ARID4A: variants seen among roughly 807,000 people sequenced by gnomAD.
ARID4A encodes the protein AT-rich interactive domain-containing protein 4A.
In ARID4A, 39 loss-of-function variants were observed where a neutral mutation model predicts 148.6. That is an observed-to-expected ratio of 0.26 (90% CI 0.20 to 0.34). The LOEUF (loss-of-function observed/expected upper bound fraction) is 0.34. Among genes scored for constraint, ARID4A ranks in the 10% least tolerant of loss-of-function variants. ARID4A has a pLI of 1.00. For synonymous variants in ARID4A, 475 were observed against 481.2 expected (o/e 0.99, Z 0.17); for missense variants, 1,265 against 1,449.1 (o/e 0.87, Z 2.06).
At chr14:58,332,980 T>C (rs908851602) in intron 11 of ARID4A, among the ~76,000 whole-genome samples, 11 of 152,168 alleles carry the variant, frequency 7.2e-5, no homozygotes, top group African/African-American at 2.4e-4. Flanking sequence ...TTTGATGCTT[T>C]GGGTATCTTA....
chr14:58,308,042 A>G (rs2031746680), intron 5 of ARID4A, among the ~76,000 whole-genome samples: 1 of 152,120 alleles, frequency 6.6e-6, no homozygotes, highest in South Asian at 2.1e-4. Context: ...GCTCTATAGA[A>G]GGATTACTTT....
intron 8 of ARID4A, 118 bp downstream of exon 8, chr14:58,323,735 A>AT (rs2033047353): frequency 1.2e-6 from 1 of 835,986 alleles, no homozygotes. Context: ...TTTATTGGAG[A>AT]TTTTTTAATT....
chr14:58,338,964 CTTT>C (rs35408179), intron 11 of ARID4A, among the ~76,000 whole-genome samples: 2 of 83,850 alleles, frequency 2.4e-5, no homozygotes, highest in Non-Finnish European at 4.4e-5. Flanking sequence ...ATTATTAAAA[CTTT>C]TTTTTTTTTT....
chr14:58,332,868 T>C (rs901871799), intron 11 of ARID4A, among the ~76,000 whole-genome samples: 6 of 152,172 alleles, frequency 3.9e-5, no homozygotes, highest in African/African-American at 1.4e-4. Flanking sequence ...CTCTAGTCTG[T>C]TATTTGTTGT....
At chr14:58,341,039 C>T (rs1465598394) in intron 11 of ARID4A, among the ~76,000 whole-genome samples, 1 of 152,098 alleles carries the variant, frequency 6.6e-6, no homozygotes, top group Admixed American at 6.5e-5. Context: ...TTCTCTCTCC[C>T]TCTCCCCATC....
rs537588989 is a variant in ARID4A, at chr14:58,353,382, G to T, written c.1656-276G>T. 1.1e-5 allele frequency: 3 copies of T among 271,692 alleles called. No homozygotes were observed. The South Asian group carries it at 4.4e-4, about 40-fold the overall frequency. The allele number at this position is 271,692 out of a possible 1,614,324, so 16.8% of individuals were successfully genotyped here. A position where few individuals can be genotyped will look rare whatever the true frequency, so the allele number is the denominator to read the frequency against. On this transcript the variant is annotated intron_variant, in intron 16 of 23. Transcript: ENST00000355431. ...ATATTTTTCTTATTTTGTTTTGTCAGAAGTGACTTATTTTATTACAGATCA... is the reference window on the plus strand; with the variant it reads ...ATATTTTTCTTATTTTGTTTTGTCATAAGTGACTTATTTTATTACAGATCA...
intron 17 of ARID4A, 28 bp downstream of exon 17, chr14:58,353,883 T>C (rs1203004009): frequency 6.3e-7 from 1 of 1,582,864 alleles, no homozygotes; most frequent in Middle Eastern, 1.7e-4. Flanking sequence ...TTCTTACTAT[T>C]GAAATTTTTT....
At chr14:58,353,365 CTTATT>C (rs1458792072) in intron 16 of ARID4A, 3 of 230,294 alleles carry the variant, frequency 1.3e-5, no homozygotes, top group Non-Finnish European at 2.5e-5. Context: ...GCATATTTTT[CTTATT>C]TTGTTTTGTC....
intron 5 of ARID4A, among the ~76,000 whole-genome samples, chr14:58,307,060 C>G (rs974799158): frequency 1.3e-5 from 2 of 152,164 alleles, no homozygotes; most frequent in African/African-American, 4.8e-5. Flanking sequence ...TAAATAGTTG[C>G]TGTCATTATG....
At chr14:58,352,364 G>A (rs1217974152) in intron 16 of ARID4A, among the ~76,000 whole-genome samples, 1 of 152,104 alleles carries the variant, frequency 6.6e-6, no homozygotes, top group Admixed American at 6.6e-5. Context: ...GGAACTAATT[G>A]GAGTTGAGTA....
intron 2 of ARID4A, 93 bp downstream of exon 2, chr14:58,299,953 A>C: frequency 1.9e-6 from 3 of 1,556,376 alleles, no homozygotes; most frequent in East Asian, 2.2e-5. Flanking sequence ...TTGCTACTCA[A>C]AATTGATGTT....
chr14:58,334,939 A>G (rs899027664), intron 11 of ARID4A, among the ~76,000 whole-genome samples: 3 of 152,070 alleles, frequency 2.0e-5, no homozygotes, highest in Admixed American at 6.6e-5. Context: ...CCAGATAACT[A>G]CATTCCTTCT....
Position 58,347,632 on chromosome 14 carries a change from A to C in ARID4A, c.1173-15A>C, listed in dbSNP as rs1332602074. ...AAGACTGTAAGATTTCTTAAATGAA[A>C]TATTGTTTGTTTAGGTATCTCTATG... On this transcript the variant is annotated splice_polypyrimidine_tract_variant and intron_variant, in intron 14 of 23. Coordinates refer to ENST00000355431, the MANE Select transcript of ARID4A (RefSeq NM_002892.4). 4.0e-6 allele frequency: 6 copies of C among 1,511,990 alleles called. No homozygotes were observed. The South Asian group carries it at 6.4e-5, about 16-fold the overall frequency. 93.7% of individuals were successfully genotyped at this position (1,511,990 alleles called of 1,614,324 possible). A position where few individuals can be genotyped will look rare whatever the true frequency, so the allele number is the denominator to read the frequency against.
At chr14:58,370,205 G>T (rs1759351805) in intron 23 of ARID4A, 1 of 152,202 alleles carries the variant, frequency 6.6e-6, no homozygotes, top group African/African-American at 2.4e-5. Context: ...AAGAAGAAAA[G>T]AACAAATTAG....
intron 22 of ARID4A, 128 bp downstream of exon 22, chr14:58,366,358 CT>C: frequency 1.3e-6 from 1 of 766,622 alleles, no homozygotes. Context: ...CAAATATTGC[CT>C]TAGCAAGAAT....
rs1260220227 is a variant in ARID4A at position 58,301,586 on chromosome 14, G to A, written c.13G>A (p.Asp5Asn). ...TTTATGTTCCTTTCACCAGGCGGCA[G>A]ATGAGCCTGCCTACCTGACAGTGGG... The part of the protein sequence containing the change: MKAA[D>N]EPAYLTVGTD... The change falls in exon 3 of 24, where the codon GAT becomes AAT. Residue 5 changes from aspartate to asparagine, a missense_variant. Around this residue, in one of 9 missense-constraint regions of ARID4A, gnomAD observed 22 missense variants for 43.8 expected, o/e 0.50. Transcript: ENST00000355431. The A allele has an allele frequency of 6.2e-7, 1 of 1,613,662 alleles. No homozygotes were observed. The highest frequency in any genetic ancestry group is 1.1e-5 in the South Asian group (1 of 90,964).
chr14:58,299,902 A>G (rs771520719), intron 2 of ARID4A, 42 bp downstream of exon 2: 4 of 1,613,208 alleles, frequency 2.5e-6, no homozygotes, highest in East Asian at 2.2e-5. Flanking sequence ...CGCCCTGAAC[A>G]CTGCCAATCC....
intron 4 of ARID4A, among the ~76,000 whole-genome samples, chr14:58,305,795 G>A (rs1002669316): frequency 3.9e-5 from 6 of 152,186 alleles, no homozygotes; most frequent in Non-Finnish European, 8.8e-5. Flanking sequence ...AATTTTCAGT[G>A]TGTAAAGTAG....
intron 5 of ARID4A, among the ~76,000 whole-genome samples, chr14:58,314,067 G>A (rs938737401): frequency 1.3e-5 from 2 of 152,178 alleles, no homozygotes; most frequent in Non-Finnish European, 2.9e-5. Flanking sequence ...CATAGTAACA[G>A]AGATACCACT....
Sources: gnomAD v4.1 joint callset for allele counts (sites outside exome capture counted in the v4.1 genomes callset) on GRCh38, gnomAD v4.1.1 for gene constraint, gnomAD v4.1.1 regional missense constraint, MANE v1.5 for transcripts, NCBI Gene and HGNC (gene_info 2026-07-23, HGNC 2026-07-21) for gene names.